Variants in AP3D1 observed in about 807,000 individuals in gnomAD.
The protein encoded by AP3D1 is AP-3 complex subunit delta-1.
A neutral mutation model predicts 147.6 loss-of-function variants in AP3D1; 51 were observed. That is an observed-to-expected ratio of 0.35 (90% CI 0.28 to 0.44). AP3D1 has a LOEUF of 0.44. AP3D1 is among the 20% of genes least tolerant of loss of function. The probability of loss-of-function intolerance (pLI) is 1.00; values close to 1 mark genes in which losing one functional copy is unlikely to be tolerated. For missense variants in AP3D1, 1,421 were observed against 1,624.2 expected, an observed-to-expected ratio of 0.87 and a Z score of 2.15; for synonymous variants, 760 against 663.0, an observed-to-expected ratio of 1.15 and a Z score of -2.25.
At chr19:2,114,654 CTGCAG>C in intron 21 of AP3D1, 89 bp downstream of exon 21, 1 of 1,026,314 alleles carries the variant, frequency 9.7e-7, no homozygotes, top group Non-Finnish European at 1.5e-6. Flanking sequence ...CCTGCCCACC[CTGCAG>C]AGCCCGGCCC....
At chr19:2,118,868 C>T (rs761217767) in intron 14 of AP3D1, 36 bp from the exon 15 acceptor site, 4 of 1,582,514 alleles carry the variant, frequency 2.5e-6, no homozygotes, top group Admixed American at 1.7e-5. Context: ...CCCAGGATGC[C>T]AATCCCGGGG....
rs530539281 is a variant in AP3D1, at chr19:2,111,700, C to T, written c.2916G>A (p.Ala972=). 2.6e-5 allele frequency: 42 copies of T among 1,596,498 alleles called. No homozygotes were observed. The highest frequency in any genetic ancestry group is 1.4e-4 in the East Asian group (6 of 44,130). Residue 972 remains alanine, a synonymous_variant, in exon 25 of 32, where the codon GCG becomes GCA. Coordinates refer to ENST00000643116, the MANE Select transcript of AP3D1 (RefSeq NM_001261826.3). ...TCACCGGGAGCTGCTCCTCCTCTGGCGCGCCATTCTGCACCGGCTCCCCCG... is the reference window on the plus strand; with the variant it reads ...TCACCGGGAGCTGCTCCTCCTCTGGTGCGCCATTCTGCACCGGCTCCCCCG... The part of the protein sequence containing the change: ...EAAGEPVQNG[A]PEEEQLPPES...
At chr19:2,110,262 C>G (rs376837540) in intron 27 of AP3D1, 38 bp from the exon 28 acceptor site, 6 of 1,580,396 alleles carry the variant, frequency 3.8e-6, no homozygotes, top group Admixed American at 1.7e-5. Context: ...TGAGACGCTG[C>G]GGGGGCTCAG....
At position 2,138,608 on chromosome 19, in the gene AP3D1, G is replaced by A. The variant is rs770075717; in HGVS notation, c.192+11C>T. On this transcript the variant is annotated intron_variant, in intron 2 of 31. Transcript: ENST00000643116. ...GACAGTGCTGGGCGCTGGCCACTGG[G>A]AGGCACTTACATACGTCAGCTTGCA... The A allele has an allele frequency of 6.2e-7, 1 of 1,611,210 alleles. No individual in the cohort carries two copies. Among genetic ancestry groups the A allele is most frequent in the Non-Finnish European group, 8.5e-7 (1 of 1,177,736 alleles).
At chr19:2,140,239 C>T (rs562156368) in intron 1 of AP3D1, among the ~76,000 whole-genome samples, 1 of 152,122 alleles carries the variant, frequency 6.6e-6, no homozygotes, top group Non-Finnish European at 1.5e-5. Flanking sequence ...TCAAACGGCG[C>T]GGCTGCTGTG....
chr19:2,118,772 C>A lies in AP3D1; in HGVS notation c.1542G>T (p.Leu514=), dbSNP rs1159260510. ...CATACACGGCCTGGATGTGGCCTGG[C>A]AGCGTGGTGACTCTGGGCCGCAGCA... The part of the protein sequence containing the change: ...EAMLRPRVTT[L]PGHIQAVYVQ... The change falls in exon 15 of 32, where the codon CTG becomes CTT. Residue 514 remains leucine (L), a synonymous_variant. Transcript: ENST00000643116. 1.2e-6 allele frequency: 2 copies of A among 1,613,786 alleles called. No homozygotes were observed. Among genetic ancestry groups the A allele is most frequent in the Non-Finnish European group, 1.7e-6 (2 of 1,180,008 alleles).
chr19:2,155,372 CA>C (rs1169442189), upstream of AP3D1, among the ~76,000 whole-genome samples: 2 of 142,086 alleles, frequency 1.4e-5, no homozygotes, highest in Non-Finnish European at 3.1e-5. Flanking sequence ...AAAAAAAAAC[CA>C]AAAAAAACAA....
At chr19:2,151,840 A>T (rs1055328787), upstream of AP3D1, among the ~76,000 whole-genome samples, 1 of 151,980 alleles carries the variant, frequency 6.6e-6, no homozygotes, top group African/African-American at 2.4e-5. Flanking sequence ...GCTGGTCCTG[A>T]CCCTCCCACC....
intron 1 of AP3D1, among the ~76,000 whole-genome samples, chr19:2,150,600 C>T (rs1021908893): frequency 1.3e-5 from 2 of 152,180 alleles, no homozygotes; most frequent in African/African-American, 4.8e-5. Flanking sequence ...GCAGCCCCAC[C>T]TTCCTGGGAA....
At chr19:2,136,987 C>T (rs200207591) in intron 4 of AP3D1, 24 bp downstream of exon 4, 14 of 1,560,922 alleles carry the variant, frequency 9.0e-6, no homozygotes, top group East Asian at 4.8e-5. Context: ...CAGCACAGAG[C>T]GGCCCCGGCC....
At chr19:2,154,155 CCAGGCTGGCCT>C, upstream of AP3D1, among the ~76,000 whole-genome samples, 1 of 152,182 alleles carries the variant, frequency 6.6e-6, no homozygotes, top group South Asian at 2.1e-4. Flanking sequence ...ACCATGTTGG[CCAGGCTGGCCT>C]CAAACTACTG....
chr19:2,154,604 C>T (rs180913342), upstream of AP3D1, among the ~76,000 whole-genome samples: 2 of 152,262 alleles, frequency 1.3e-5, no homozygotes, highest in South Asian at 2.1e-4. Flanking sequence ...AGTCCTCAGG[C>T]GAAGCCCTAG....
chr19:2,130,765 T>C (rs895505059), intron 5 of AP3D1, among the ~76,000 whole-genome samples: 1 of 152,224 alleles, frequency 6.6e-6, no homozygotes, highest in Admixed American at 6.5e-5. Context: ...CCTTGTGGCC[T>C]TCCTGCCCCA....
Position 2,115,558 on chromosome 19 carries a change from G to C in AP3D1, c.2129C>G (p.Ser710Cys). 6.2e-7 allele frequency: 1 copy of C among 1,613,324 alleles called. No homozygotes were observed. The highest frequency in any genetic ancestry group is 8.5e-7 in the Non-Finnish European group (1 of 1,179,904). The change falls in exon 19 of 32, where the codon TCC becomes TGC. Residue 710 changes from serine (S) to cysteine (C), a missense_variant. Coordinates refer to ENST00000643116, the MANE Select transcript of AP3D1 (RefSeq NM_001261826.3). ...EHIPVVQIDL[S>C]VPLKVPGLPM... ...CTTGCCTGGAACCTTCAAGGGGACG[G>C]AGAGGTCAATCTGCACCACGGGAAT...
intron 27 of AP3D1, 70 bp downstream of exon 27, chr19:2,110,637 C>A: frequency 7.0e-7 from 1 of 1,436,970 alleles, no homozygotes; most frequent in Admixed American, 2.2e-5. Context: ...ACCAGCGGAT[C>A]CGGGCAGTCA....
chr19:2,107,739 CAAA>C (rs1268434677), intron 31 of AP3D1, among the ~76,000 whole-genome samples: 6 of 86,498 alleles, frequency 6.9e-5, no homozygotes, highest in Non-Finnish European at 9.9e-5. Context: ...GACTCCGTCT[CAAA>C]AAAAAAAAAA....
intron 28 of AP3D1, 64 bp from the exon 29 acceptor site, chr19:2,110,022 C>T (rs1271211171): frequency 2.5e-6 from 4 of 1,593,148 alleles, no homozygotes; most frequent in Non-Finnish European, 3.4e-6. Context: ...GCTCAGGGTT[C>T]CCCAGGCAGG....
intron 10 of AP3D1, among the ~76,000 whole-genome samples, 191 bp downstream of exon 10, chr19:2,123,639 C>G (rs573699957): frequency 2.6e-5 from 4 of 152,342 alleles, no homozygotes; most frequent in African/African-American, 7.2e-5. Flanking sequence ...ATCCACCCCA[C>G]AGACACATGA....
chr19:2,128,302 G>A (rs1275610740), intron 8 of AP3D1, among the ~76,000 whole-genome samples: 4 of 152,052 alleles, frequency 2.6e-5, no homozygotes, highest in African/African-American at 9.7e-5. Context: ...CTCCCCAAAC[G>A]TCTCTAAGCA....
Sources: gnomAD v4.1 joint callset for allele counts (sites outside exome capture counted in the v4.1 genomes callset) on GRCh38, gnomAD v4.1.1 for gene constraint, MANE v1.5 for transcripts, NCBI Gene and HGNC (gene_info 2026-07-23, HGNC 2026-07-21) for gene names.